PPIP5K1: variants seen among roughly 807,000 people sequenced by gnomAD.
PPIP5K1 encodes diphosphoinositol pentakisphosphate kinase 1.
PPIP5K1 carries 6 observed loss-of-function variants against 27.7 expected under a neutral mutation model. That is an observed-to-expected ratio of 0.22 (90% CI 0.12 to 0.43). PPIP5K1 has a LOEUF of 0.43. Ranked by LOEUF, PPIP5K1 falls within the 20% of genes least tolerant of loss-of-function variation. The pLI, the probability that PPIP5K1 is intolerant of heterozygous loss-of-function variation, is 1.00. For missense variants in PPIP5K1, 394 were observed against 635.4 expected (o/e 0.62, Z 4.08); for synonymous variants, 145 against 242.6 (o/e 0.60, Z 3.74).
rs1187372352 is a variant in PPIP5K1 at position 43,533,745 on chromosome 15, T to C, written c.*929A>G. The C allele has an allele frequency of 6.6e-6, 1 of 152,098 alleles. No homozygotes were observed. The highest frequency in any genetic ancestry group is 1.5e-5 in the Non-Finnish European group (1 of 68,018). 9.4% of individuals were successfully genotyped at this position (152,098 alleles called of 1,614,324 possible). A position where few individuals can be genotyped will look rare whatever the true frequency, so the allele number is the denominator to read the frequency against. On this transcript the variant is annotated 3_prime_UTR_variant, in exon 32 of 32. Coordinates refer to ENST00000420765, the MANE Select transcript of PPIP5K1 (RefSeq NM_001394395.1). ...AACCTTTGCTTGTATCTGTACAATA[T>C]TGATCTCTGCTGATTGCTTAAAATA... is the stretch of plus-strand genomic sequence containing the variant.
intron 31 of PPIP5K1, chr15:43,537,239 G>C (rs571738886): frequency 3.8e-5 from 7 of 185,862 alleles, no homozygotes; most frequent in African/African-American, 1.7e-4. Flanking sequence ...CAGCTACTCA[G>C]GAGGCTGAGG....
At chr15:43,580,673 C>T (rs1318399154) in intron 10 of PPIP5K1, among the ~76,000 whole-genome samples, 2 of 99,130 alleles carry the variant, frequency 2.0e-5, no homozygotes, top group East Asian at 3.8e-4. Flanking sequence ...CAGCTCACTG[C>T]AACCTTCACC....
chr15:43,550,485 C>T (rs757627044), intron 30 of PPIP5K1, among the ~76,000 whole-genome samples: 5 of 152,080 alleles, frequency 3.3e-5, no homozygotes, highest in African/African-American at 1.2e-4. Flanking sequence ...TAAATTTGTT[C>T]GTTAGCTTTA....
intron 23 of PPIP5K1, among the ~76,000 whole-genome samples, chr15:43,572,433 CAAAAAA>C (rs1192497589): frequency 3.0e-4 from 11 of 37,038 alleles, no homozygotes; most frequent in African/African-American, 9.4e-4. Context: ...GACCTTGTCT[CAAAAAA>C]AAAAAAAAAA....
rs1257658664 is a variant in PPIP5K1, at chr15:43,556,301, AGAGT to A, written c.3556+2490_3556+2493del. ...TGCCACTGCACTCCAGCCTGGCAAC[AGAGT>A]GAGACTCCATCTCAAAAAACAGAAA... is the stretch of plus-strand genomic sequence containing the variant. On this transcript the variant is annotated intron_variant, in intron 30 of 31. Transcript: ENST00000420765. 2.6e-5 allele frequency among the ~76,000 whole-genome samples: 4 copies of A among 152,066 alleles called. No individual in the cohort carries two copies. The East Asian group carries it at 5.8e-4, about 22-fold the overall frequency.
chr15:43,550,087 C>A (rs895548096), intron 30 of PPIP5K1, among the ~76,000 whole-genome samples: 3 of 152,108 alleles, frequency 2.0e-5, no homozygotes, highest in Non-Finnish European at 2.9e-5. Context: ...ATTACAGGTA[C>A]AAGCCACTGA....
At chr15:43,546,020 A>C (rs1165072155) in intron 30 of PPIP5K1, among the ~76,000 whole-genome samples, 1 of 152,212 alleles carries the variant, frequency 6.6e-6, no homozygotes, top group Middle Eastern at 3.4e-3. Flanking sequence ...GGGGAAAAAA[A>C]AAAAAAGAAG....
At chr15:43,551,620 T>TTTTTTTTTTTTTTA (rs1567047110) in intron 30 of PPIP5K1, among the ~76,000 whole-genome samples, 17 of 124,690 alleles carry the variant, frequency 1.4e-4, no homozygotes, top group African/African-American at 2.5e-4. Flanking sequence ...TTTTTTTTTT[T>TTTTTTTTTTTTTTA]GAGACGGAGT....
chr15:43,550,873 C>T (rs1337790524), intron 30 of PPIP5K1, among the ~76,000 whole-genome samples: 2 of 152,016 alleles, frequency 1.3e-5, no homozygotes, highest in African/African-American at 2.4e-5. Flanking sequence ...GTGTTTTTTT[C>T]TCTCTTTCTA....
chr15:43,553,692 T>A (rs925366312), intron 30 of PPIP5K1, among the ~76,000 whole-genome samples: 3 of 150,738 alleles, frequency 2.0e-5, no homozygotes, highest in Non-Finnish European at 4.4e-5. Flanking sequence ...TTGTCCAGGC[T>A]TGAGTGCAGT....
Position 43,535,149 on chromosome 15 carries a change from C to T in PPIP5K1, c.3998G>A (p.Ser1333Asn), listed in dbSNP as rs746079284. The change falls in exon 32 of 32, where the codon AGC (serine) becomes AAC (asparagine). Residue 1333 changes from serine to asparagine, a missense_variant. Ser to Asn is a conservative substitution (Grantham distance 46). Transcript: ENST00000420765. ...GTCAGGGACCTTCTGACATGGCTGG[C>T]TGAGCGCCTCAGAAATGTCCTGGCA... is the stretch of plus-strand genomic sequence containing the variant. ...QPCQDISEAL[S>N]QPCQKVPDIS... 1 of 1,613,610 alleles carries T rather than the reference C, an allele frequency of 6.2e-7. No individual in the cohort carries two copies. The highest frequency in any genetic ancestry group is 1.7e-5 in the Admixed American group (1 of 59,984).
intron 31 of PPIP5K1, among the ~76,000 whole-genome samples, chr15:43,536,511 T>G (rs1373167042): frequency 6.6e-6 from 1 of 152,134 alleles, no homozygotes; most frequent in Admixed American, 6.5e-5. Flanking sequence ...TAGGGGTCAG[T>G]GGCCCCTTTG....
At chr15:43,556,162 A>G (rs947671428) in intron 30 of PPIP5K1, among the ~76,000 whole-genome samples, 2 of 151,870 alleles carry the variant, frequency 1.3e-5, no homozygotes, top group Non-Finnish European at 2.9e-5. Context: ...TACTAAAAAA[A>G]TACAAAAATT....
intron 30 of PPIP5K1, among the ~76,000 whole-genome samples, chr15:43,548,255 T>C (rs2081626264): frequency 6.6e-6 from 1 of 152,026 alleles, no homozygotes; most frequent in Non-Finnish European, 1.5e-5. Context: ...CCCGCCACTG[T>C]GCCTGGCTAT....
intron 30 of PPIP5K1, among the ~76,000 whole-genome samples, chr15:43,540,096 T>C (rs1316717127): frequency 6.6e-6 from 1 of 151,430 alleles, no homozygotes; most frequent in Non-Finnish European, 1.5e-5. Flanking sequence ...CTACTAAAAA[T>C]ACAAAAATGA....
chr15:43,550,102 G>A (rs1052231528), intron 30 of PPIP5K1, among the ~76,000 whole-genome samples: 3 of 151,980 alleles, frequency 2.0e-5, no homozygotes, highest in South Asian at 4.1e-4. Flanking sequence ...CACTGAGCCC[G>A]GCCCACAAGA....
intron 29 of PPIP5K1, among the ~76,000 whole-genome samples, chr15:43,559,593 C>A (rs1172339196): frequency 6.6e-6 from 1 of 152,066 alleles, no homozygotes; most frequent in East Asian, 1.9e-4. Flanking sequence ...ACTGGAAAAC[C>A]CCAGACTTGC....
intron 30 of PPIP5K1, among the ~76,000 whole-genome samples, chr15:43,557,139 C>G (rs954892669): frequency 5.9e-5 from 9 of 152,090 alleles, no homozygotes; most frequent in African/African-American, 2.2e-4. Flanking sequence ...ATTTACCCCC[C>G]GTCCATTTAC....
chr15:43,549,960 G>C (rs1483992592), intron 30 of PPIP5K1, among the ~76,000 whole-genome samples: 1 of 152,138 alleles, frequency 6.6e-6, no homozygotes, highest in East Asian at 1.9e-4. Context: ...GACAGAATAA[G>C]ACCCTATCTC....
Sources: allele counts gnomAD v4.1 joint callset (sites outside exome capture counted in the v4.1 genomes callset), GRCh38; gene constraint gnomAD v4.1.1; transcripts MANE v1.5; gene names NCBI Gene and HGNC (gene_info 2026-07-23, HGNC 2026-07-21).